The following NEGR1 variants were observed in gnomAD, a reference collection of about 807,000 sequenced individuals.
NEGR1 encodes neuronal growth regulator 1, also known as IgLON family member 4.
Under a neutral mutation model 40.9 loss-of-function variants are expected in NEGR1, and 10 were observed. The observed-to-expected ratio is 0.24, with a 90% CI of 0.15 to 0.42. NEGR1 has a LOEUF of 0.42. Among genes scored for constraint, NEGR1 ranks in the 10% least tolerant of loss-of-function variants. NEGR1 has a pLI of 1.00. For missense variants in NEGR1, 352 were observed against 438.9 expected, an observed-to-expected ratio of 0.80 and a Z score of 1.77; for synonymous variants, 185 against 166.8, an observed-to-expected ratio of 1.11 and a Z score of -0.84.
At chr1:71,936,226 A>G (rs1314229885) in intron 1 of NEGR1, among the ~76,000 whole-genome samples, 5 of 152,224 alleles carry the variant, frequency 3.3e-5, no homozygotes, top group Non-Finnish European at 7.3e-5. Context: ...ATTAGATATA[A>G]AAAAGCTAGT....
chr1:71,976,952 G>T (rs1454285702), intron 1 of NEGR1, among the ~76,000 whole-genome samples: 1 of 152,156 alleles, frequency 6.6e-6, no homozygotes, highest in African/African-American at 2.4e-5. Context: ...ATCTCTTGGA[G>T]ATTTTTAAGG....
chr1:71,679,604 G>T (rs922456195), intron 4 of NEGR1, among the ~76,000 whole-genome samples: 1 of 151,942 alleles, frequency 6.6e-6, no homozygotes, highest in Admixed American at 6.6e-5. Flanking sequence ...CATCCACAAT[G>T]CAGAACATAA....
intron 1 of NEGR1, among the ~76,000 whole-genome samples, chr1:72,227,825 G>A (rs1654241637): frequency 6.6e-6 from 1 of 152,150 alleles, no homozygotes; most frequent in East Asian, 1.9e-4. Flanking sequence ...TGCGGTTCTG[G>A]AATTTCAGCT....
chr1:71,764,594 A>G (rs1235448960), intron 3 of NEGR1, among the ~76,000 whole-genome samples: 2 of 152,210 alleles, frequency 1.3e-5, no homozygotes, highest in African/African-American at 4.8e-5. Flanking sequence ...AGGAACTGCT[A>G]ACGAATGTAC....
At chr1:72,180,457 TA>T (rs1225098376) in intron 1 of NEGR1, among the ~76,000 whole-genome samples, 2 of 148,802 alleles carry the variant, frequency 1.3e-5, no homozygotes, top group African/African-American at 4.9e-5. Context: ...AAAGCAAAAA[TA>T]AATAAATAGA....
At chr1:71,959,553 G>A (rs1273599977) in intron 1 of NEGR1, among the ~76,000 whole-genome samples, 1 of 151,772 alleles carries the variant, frequency 6.6e-6, no homozygotes, top group Non-Finnish European at 1.5e-5. Context: ...GGACATACTA[G>A]GTATAATTTT....
intron 4 of NEGR1, among the ~76,000 whole-genome samples, chr1:71,637,312 G>T (rs1651186501): frequency 6.6e-6 from 1 of 151,886 alleles, no homozygotes; most frequent in African/African-American, 2.4e-5. Flanking sequence ...ATTTATGGAT[G>T]AATAAAACAG....
chr1:71,724,187 A>T (rs186410874), intron 3 of NEGR1, among the ~76,000 whole-genome samples: 1 of 152,216 alleles, frequency 6.6e-6, no homozygotes, highest in East Asian at 1.9e-4. Context: ...CTGTTTCATC[A>T]TGGACAGTTT....
intron 1 of NEGR1, among the ~76,000 whole-genome samples, chr1:72,126,088 AGTATGTGTGTGTGTGTGTGT>A (rs1650006648): frequency 7.7e-6 from 1 of 129,322 alleles, no homozygotes; most frequent in Admixed American, 7.7e-5. Context: ...ATTAGAGAAA[AGTATGTGTGTGTGTGTGTGT>A]GTGTGTGTGT....
At chr1:71,583,705 C>T (rs1004017771) in intron 6 of NEGR1, among the ~76,000 whole-genome samples, 2 of 152,096 alleles carry the variant, frequency 1.3e-5, no homozygotes, top group Non-Finnish European at 2.9e-5. Context: ...ATTCTTAGAG[C>T]AAATACTATT....
At chr1:71,618,486 T>C (rs980999251) in intron 4 of NEGR1, among the ~76,000 whole-genome samples, 9 of 152,056 alleles carry the variant, frequency 5.9e-5, no homozygotes, top group African/African-American at 2.2e-4. Context: ...TTTTCTGCAG[T>C]CACAGCCACC....
At chr1:71,551,151 T>C (rs762924094) in intron 6 of NEGR1, among the ~76,000 whole-genome samples, 6 of 151,658 alleles carry the variant, frequency 4.0e-5, no homozygotes, top group Admixed American at 6.6e-5. Context: ...GCAAGCATGA[T>C]TCTTTTACAG....
intron 6 of NEGR1, among the ~76,000 whole-genome samples, chr1:71,494,153 T>C (rs755801779): frequency 4.6e-5 from 7 of 152,172 alleles, no homozygotes; most frequent in Non-Finnish European, 8.8e-5. Context: ...TTTCATTTGC[T>C]AGTGTGTTTG....
At chr1:71,425,112 TA>T (rs200045273) in intron 6 of NEGR1, among the ~76,000 whole-genome samples, 5 of 148,036 alleles carry the variant, frequency 3.4e-5, no homozygotes, top group Non-Finnish European at 3.0e-5. Context: ...AGTTAGAAAT[TA>T]AAAAAAAAAG....
intron 6 of NEGR1, among the ~76,000 whole-genome samples, chr1:71,440,587 T>C (rs577671342): frequency 6.6e-6 from 1 of 152,334 alleles, no homozygotes; most frequent in Admixed American, 6.5e-5. Flanking sequence ...ATACTACTGA[T>C]TCCTTTAGAC....
intron 1 of NEGR1, among the ~76,000 whole-genome samples, chr1:72,220,346 A>G (rs991452827): frequency 1.1e-4 from 17 of 152,030 alleles, no homozygotes; most frequent in Non-Finnish European, 1.5e-5. Flanking sequence ...ACTAAGTTTT[A>G]CTGAAGAATC....
chr1:71,466,971 C>T (rs146852459), intron 6 of NEGR1, among the ~76,000 whole-genome samples: 6 of 152,184 alleles, frequency 3.9e-5, no homozygotes, highest in African/African-American at 9.6e-5. Context: ...TAAGCCGGTT[C>T]TTACACAGAT....
intron 1 of NEGR1, among the ~76,000 whole-genome samples, chr1:72,058,367 A>C (rs1395134883): frequency 6.6e-6 from 1 of 151,616 alleles, no homozygotes; most frequent in Non-Finnish European, 1.5e-5. Flanking sequence ...TGTTCCCATT[A>C]GTTATTATGA....
intron 2 of NEGR1, among the ~76,000 whole-genome samples, chr1:71,881,382 T>C (rs1352935622): frequency 6.6e-6 from 1 of 152,062 alleles, no homozygotes; most frequent in African/African-American, 2.4e-5. Flanking sequence ...CTTTTGACAC[T>C]TGTGTGCGAG....
Sources: allele counts gnomAD v4.1 joint callset (sites outside exome capture counted in the v4.1 genomes callset), GRCh38; gene constraint gnomAD v4.1.1; transcripts MANE v1.5; gene names NCBI Gene and HGNC (gene_info 2026-07-23, HGNC 2026-07-21).